The following MYO10 variants were observed in gnomAD, a reference collection of about 807,000 sequenced individuals.
The protein encoded by MYO10 is myosin X.
Under a neutral mutation model 257.3 loss-of-function variants are expected in MYO10, and 133 were observed. The observed-to-expected ratio is 0.52, with a 90% CI of 0.45 to 0.60. The LOEUF (loss-of-function observed/expected upper bound fraction) is 0.60, where lower values mean the gene tolerates loss of function less well. MYO10 is among the 20% of genes least tolerant of loss of function. The probability of loss-of-function intolerance (pLI) is 0.00; values close to 1 mark genes in which losing one functional copy is unlikely to be tolerated. For synonymous variants in MYO10, 1,104 were observed against 1,028.6 expected (o/e 1.07, Z -1.40); for missense variants, 2,399 against 2,635.7 (o/e 0.91, Z 1.97).
chr5:16,812,040 C>A (rs1456425562), intron 3 of MYO10, among the ~76,000 whole-genome samples: 3 of 152,162 alleles, frequency 2.0e-5, no homozygotes, highest in Non-Finnish European at 4.4e-5. Context: ...GAAGTCTAGG[C>A]CCTCATCAGA....
At chr5:16,676,456 C>T (rs1244931211) in intron 33 of MYO10, among the ~76,000 whole-genome samples, 2 of 152,216 alleles carry the variant, frequency 1.3e-5, no homozygotes, top group South Asian at 2.1e-4. Flanking sequence ...GTGGCTCACA[C>T]CTGTAATCCC....
chr5:16,810,358 C>G (rs1002609259), intron 3 of MYO10, among the ~76,000 whole-genome samples: 7 of 152,308 alleles, frequency 4.6e-5, no homozygotes, highest in African/African-American at 1.7e-4. Context: ...TCTCCCATCT[C>G]TACCCTGGTC....
chr5:16,759,308 GGACA>G (rs1289316890), intron 17 of MYO10, among the ~76,000 whole-genome samples: 2 of 152,178 alleles, frequency 1.3e-5, no homozygotes, highest in African/African-American at 2.4e-5. Context: ...ACTGTCACCA[GGACA>G]GTCAGGGAAG....
chr5:16,829,456 G>A (rs1000866024), intron 2 of MYO10, among the ~76,000 whole-genome samples: 1 of 152,124 alleles, frequency 6.6e-6, no homozygotes, highest in African/African-American at 2.4e-5. Context: ...TCCTCTTGAG[G>A]AGCAATCGCC....
chr5:16,730,476 A>G (rs1739537290), intron 19 of MYO10, among the ~76,000 whole-genome samples: 1 of 152,202 alleles, frequency 6.6e-6, no homozygotes, highest in Non-Finnish European at 1.5e-5. Context: ...ATTAAGGTGC[A>G]TGGAGATATT....
rs372706691 is a variant in MYO10, at chr5:16,763,509, T to C, written c.1466A>G (p.Asn489Ser). 2.2e-5 allele frequency: 36 copies of C among 1,612,512 alleles called. No individual in the cohort carries two copies. Among genetic ancestry groups the C allele is most frequent in the Non-Finnish European group, 3.0e-5 (35 of 1,178,728 alleles). ...LVWEDIDWID[N>S]GECLDLIEKK... Reference sequence around the variant, plus strand: ...CTCAATCAAGTCCAGGCATTCTCCATTGTCTATCCAGTCAATATCTTCCCA... The same window carrying C: ...CTCAATCAAGTCCAGGCATTCTCCACTGTCTATCCAGTCAATATCTTCCCA... The change falls in exon 14 of 41, where the codon AAT becomes AGT. Residue 489 changes from asparagine to serine, a missense_variant. Coordinates refer to ENST00000513610, the MANE Select transcript of MYO10 (RefSeq NM_012334.3).
At chr5:16,933,357 A>G (rs1746346991) in intron 1 of MYO10, among the ~76,000 whole-genome samples, 1 of 152,212 alleles carries the variant, frequency 6.6e-6, no homozygotes. Context: ...ACCCTGGTCT[A>G]GCTAGAAATA....
At chr5:16,886,843 A>C (rs1319312392) in intron 1 of MYO10, among the ~76,000 whole-genome samples, 1 of 151,698 alleles carries the variant, frequency 6.6e-6, no homozygotes, top group African/African-American at 2.4e-5. Context: ...GAAGCATGAG[A>C]ATCGCTTGAA....
In MYO10 at chr5:16,906,909, C is replaced by T. The variant is rs184682502; in HGVS notation, c.21+28879G>A. ...GGTGGATCACCTGAGGTCAGGAGAT[C>T]GAGACCATCCTGGCTAACACGATGA... On this transcript the variant is annotated intron_variant, in intron 1 of 40. Transcript: ENST00000513610. Among the ~76,000 whole-genome samples the T allele has an allele frequency of 3.9e-5, 6 of 152,132 alleles. No individual in the cohort carries two copies. The South Asian group carries it at 6.2e-4, about 16-fold the overall frequency.
intron 3 of MYO10, among the ~76,000 whole-genome samples, chr5:16,806,944 G>A (rs575870371): frequency 3.6e-4 from 55 of 152,270 alleles, no homozygotes; most frequent in African/African-American, 5.1e-4. Flanking sequence ...ATGTATCATC[G>A]CTATTGTTAA....
chr5:16,783,621 A>G (rs1336017436), intron 4 of MYO10, among the ~76,000 whole-genome samples, 152 bp from the exon 5 acceptor site: 2 of 152,240 alleles, frequency 1.3e-5, no homozygotes, highest in Non-Finnish European at 2.9e-5. Flanking sequence ...AGCTGAGTTA[A>G]AAGAAAGCAA....
chr5:16,935,719 CGCGGCGTGGTGGGCAGA>C, intron 1 of MYO10, 52 bp downstream of exon 1: 1 of 1,591,862 alleles, frequency 6.3e-7, no homozygotes, highest in South Asian at 1.1e-5. Context: ...ACCCAGGGCG[CGCGGCGTGGTGGGCAGA>C]CGCCTCTCTC....
In MYO10 at chr5:16,776,543, C is replaced by T. The variant is rs182193617; in HGVS notation, c.930+3002G>A. ...AACTAGAATAAATTTGTTAGGTATGCTCATTATGTCAATTTCATGTATAAA... is the reference window on the plus strand; with the variant it reads ...AACTAGAATAAATTTGTTAGGTATGTTCATTATGTCAATTTCATGTATAAA... On this transcript the variant is annotated intron_variant, in intron 9 of 40. Coordinates refer to ENST00000513610, the MANE Select transcript of MYO10 (RefSeq NM_012334.3). Among the ~76,000 whole-genome samples, 16 of 152,224 alleles carry T rather than the reference C, an allele frequency of 1.1e-4. No individual in the cohort carries two copies. The East Asian group carries it at 3.1e-3, about 29-fold the overall frequency.
intron 5 of MYO10, among the ~76,000 whole-genome samples, chr5:16,782,887 G>A (rs1041961632): frequency 2.6e-5 from 4 of 152,134 alleles, no homozygotes; most frequent in East Asian, 1.9e-4. Context: ...GCCTCCAAGC[G>A]GTGGATGCTG....
In MYO10 at chr5:16,711,261, A is replaced by C; in HGVS notation, c.1930-16T>G. On this transcript the variant is annotated splice_polypyrimidine_tract_variant and intron_variant, in intron 19 of 40. Coordinates refer to ENST00000513610, the MANE Select transcript of MYO10 (RefSeq NM_012334.3). ...GGTCTGGCATCTAAACCATGCAAAA[A>C]AAAAAGATGGGATACCATTAGAAAA... The C allele has an allele frequency of 6.3e-7, 1 of 1,595,672 alleles. No homozygotes were observed. The highest frequency in any genetic ancestry group is 8.5e-7 in the Non-Finnish European group (1 of 1,170,944).
At chr5:16,719,223 G>T (rs1739040388) in intron 19 of MYO10, among the ~76,000 whole-genome samples, 1 of 152,150 alleles carries the variant, frequency 6.6e-6, no homozygotes, top group Non-Finnish European at 1.5e-5. Context: ...AACATCAGAA[G>T]GGACAGACTC....
chr5:16,715,392 A>ATATTT lies in MYO10; in HGVS notation c.1930-4148_1930-4147insAAATA, dbSNP rs1554038579. ...ATGGCGATGGTGCCGTAAGATTGAA[A>ATATTT]TTTTTTTTTTTTTTTTTTTTTTTTT... On this transcript the variant is annotated intron_variant, in intron 19 of 40. Transcript: ENST00000513610. Among the ~76,000 whole-genome samples the ATATTT allele has an allele frequency of 1.5e-3, 125 of 84,348 alleles. 1 individual carries two copies. Among genetic ancestry groups the ATATTT allele is most frequent in the African/African-American group, 5.5e-3 (118 of 21,476 alleles). The allele number at this position is 84,348 out of a possible 152,430, so 55.3% of individuals were successfully genotyped here. A position where few individuals can be genotyped will look rare whatever the true frequency, so the allele number is the denominator to read the frequency against.
At chr5:16,745,351 T>A (rs1052981685) in intron 19 of MYO10, among the ~76,000 whole-genome samples, 2 of 151,566 alleles carry the variant, frequency 1.3e-5, no homozygotes, top group Non-Finnish European at 1.5e-5. Flanking sequence ...AAAACAAAAA[T>A]AAAAACCTTT....
intron 1 of MYO10, among the ~76,000 whole-genome samples, chr5:16,887,644 C>T (rs1744930836): frequency 6.6e-6 from 1 of 152,136 alleles, no homozygotes; most frequent in Admixed American, 6.6e-5. Flanking sequence ...GTGCGCACCA[C>T]CACACTGGGC....
Sources: allele counts gnomAD v4.1 joint callset (sites outside exome capture counted in the v4.1 genomes callset), GRCh38; gene constraint gnomAD v4.1.1; transcripts MANE v1.5; gene names NCBI Gene and HGNC (gene_info 2026-07-23, HGNC 2026-07-21).